Variants in IGSF10 observed in about 807,000 individuals in gnomAD.
IGSF10 encodes the protein calvaria mechanical force protein 608.
Under a neutral mutation model 128.2 loss-of-function variants are expected in IGSF10, and 126 were observed. The ratio of observed to expected loss-of-function variants is 0.98; its 90% CI spans 0.85 to 1.14. The LOEUF (loss-of-function observed/expected upper bound fraction) is 1.14. IGSF10 is among the 50% of genes most tolerant of loss of function. The pLI is 0.00. For synonymous variants in IGSF10, 1,185 were observed against 1,146.2 expected, an observed-to-expected ratio of 1.03 and a Z score of -0.68; for missense variants, 3,295 against 3,149.8, an observed-to-expected ratio of 1.05 and a Z score of -1.10.
intron 2 of IGSF10, among the ~76,000 whole-genome samples, chr3:151,459,606 C>T (rs1721957282): frequency 6.6e-6 from 1 of 152,144 alleles, no homozygotes; most frequent in Non-Finnish European, 1.5e-5. Flanking sequence ...GGTCCCTCCT[C>T]CAGCTCATGG....
At chr3:151,595,245 C>T in the IGSF10 span, among the ~76,000 whole-genome samples, 5 of 151,830 alleles carry the variant, frequency 3.3e-5, no homozygotes, top group African/African-American at 9.7e-5. Context: ...ACCGAATGAC[C>T]CAGTAATCCC....
At position 151,448,070 on chromosome 3, in the gene IGSF10, C is replaced by T. The variant is rs756268032; in HGVS notation, c.1911G>A (p.Pro637=). 3.8e-5 allele frequency: 61 copies of T among 1,614,034 alleles called. No individual in the cohort carries two copies. Among genetic ancestry groups the T allele is most frequent in the Non-Finnish European group, 4.7e-5 (55 of 1,180,050 alleles). The change falls in exon 6 of 8, where the codon CCG becomes CCA. Residue 637 remains proline, a synonymous_variant. Transcript: ENST00000282466. ...CACAGCGATAATAACCTTGGTCTTT[C>T]GGGGTGACCTGTAATATTCTTAATG... ...NGTLRILQVT[P]KDQGYYRCVA...
At position 151,436,611 on chromosome 3, in the gene IGSF10, A is replaced by T. The variant is rs1720253869; in HGVS notation, c.*78T>A. On this transcript the variant is annotated 3_prime_UTR_variant, in exon 8 of 8. Transcript: ENST00000282466. ...TGTAAATGTATTCAAATTCATTTAC[A>T]TGCCTATGGCTGCCTTTGATTAAAC... 1.0e-6 allele frequency: 1 copy of T among 958,068 alleles called. No homozygotes were observed. Among genetic ancestry groups the T allele is most frequent in the Admixed American group, 2.4e-5 (1 of 42,348 alleles). 59.3% of individuals were successfully genotyped at this position (958,068 alleles called of 1,614,324 possible). A position where few individuals can be genotyped will look rare whatever the true frequency, so the allele number is the denominator to read the frequency against.
chr3:151,545,818 C>CAT, the IGSF10 span, among the ~76,000 whole-genome samples: 87,641 of 151,760 alleles, frequency 0.58, 26,264 homozygotes, highest in African/African-American at 0.73. Flanking sequence ...AGAAAATAAA[C>CAT]GTGGTGAATA....
chr3:151,440,587 G>A (rs1324462748), intron 7 of IGSF10: 3 of 456,496 alleles, frequency 6.6e-6, no homozygotes, highest in Admixed American at 2.4e-5. Flanking sequence ...TAGGTCACAG[G>A]GCTGGTTCTC....
the IGSF10 span, among the ~76,000 whole-genome samples, chr3:151,535,204 G>A: frequency 5.3e-4 from 81 of 152,014 alleles, no homozygotes; most frequent in African/African-American, 1.8e-3. Flanking sequence ...CCTAGTAGAG[G>A]TATTATAATG....
At chr3:151,453,043 G>GAAAGGAGGC (rs914748981) in intron 5 of IGSF10, among the ~76,000 whole-genome samples, 8 of 152,160 alleles carry the variant, frequency 5.3e-5, no homozygotes, top group African/African-American at 1.7e-4. Flanking sequence ...GGAGAGGAGG[G>GAAAGGAGGC]AAAGGAGGCT....
the IGSF10 span, among the ~76,000 whole-genome samples, chr3:151,511,575 A>C: frequency 2.0e-5 from 3 of 152,216 alleles, no homozygotes; most frequent in Admixed American, 2.0e-4. Flanking sequence ...CAAAATCACC[A>C]GCTAACATCA....
rs769752837 is a variant in IGSF10, at chr3:151,437,382, A to ATTGC, written c.7175_7178dup (p.Asn2393LysfsTer9). On this transcript the variant is annotated frameshift_variant, in exon 8 of 8. Transcript: ENST00000282466. LOFTEE classifies it low-confidence loss of function (END_TRUNC). ...TTGTTTTAGAAATGATAAAAGAACCATTGCTTGCTATCAGATACTGATAAC... is the reference window on the plus strand; with the variant it reads ...TTGTTTTAGAAATGATAAAAGAACCATTGCTTGCTTGCTATCAGATACTGATAAC... 1 of 1,614,208 alleles carries ATTGC rather than the reference A, an allele frequency of 6.2e-7. No homozygotes were observed.
the IGSF10 span, among the ~76,000 whole-genome samples, chr3:151,600,300 A>G: frequency 2.0e-5 from 3 of 152,280 alleles, no homozygotes; most frequent in East Asian, 5.8e-4. Context: ...GATACACAGT[A>G]AAAAGTGAAT....
chr3:151,479,737 G>A, the IGSF10 span, among the ~76,000 whole-genome samples: 39 of 152,126 alleles, frequency 2.6e-4, no homozygotes, highest in Admixed American at 1.1e-3. Flanking sequence ...ACAATGCAAG[G>A]GAATATGGAA....
Position 151,445,261 on chromosome 3 carries a change from G to T in IGSF10, c.4720C>A (p.Gln1574Lys), listed in dbSNP as rs143235617. The change falls in exon 6 of 8, where the codon CAA (glutamine) becomes AAA (lysine). Residue 1574 changes from glutamine to lysine, a missense_variant. By Grantham distance (53) the Gln-to-Lys change is moderately conservative. Coordinates refer to ENST00000282466, the MANE Select transcript of IGSF10 (RefSeq NM_178822.5). ...TCTGAGTATGGTTTGTGCCAAAATT[G>T]GTTTTCTGCCCAGGGAGATGGAGTT... ...KLTPSPWAEN[Q>K]FWHKPYSEIA... 1.5e-5 allele frequency: 25 copies of T among 1,614,030 alleles called. No individual in the cohort carries two copies. The African/African-American group carries it at 1.6e-4, about 10-fold the overall frequency.
chr3:151,472,913 T>C, the IGSF10 span, among the ~76,000 whole-genome samples: 1 of 151,936 alleles, frequency 6.6e-6, no homozygotes, highest in African/African-American at 2.4e-5. Context: ...CACACTGCAG[T>C]GAAGCTTCAG....
Position 151,449,101 on chromosome 3 carries a change from T to C in IGSF10, c.880A>G (p.Thr294Ala), listed in dbSNP as rs755307642. Residue 294 changes from threonine to alanine, a missense_variant, in exon 6 of 8, where the codon ACT (threonine) becomes GCT (alanine). Coordinates refer to ENST00000282466, the MANE Select transcript of IGSF10 (RefSeq NM_178822.5). ...GCAGAACTACTGTCTTCCAGAATAG[T>C]CAGGCTCTTTGATTTCAGGGATGAG... ...IDSSLKSKSL[T>A]ILEDSSSAFI... is the part of the protein sequence containing the mutation. The C allele has an allele frequency of 5.0e-6, 8 of 1,614,070 alleles. No homozygotes were observed. In the African/African-American group the frequency reaches 9.3e-5, roughly 19 times the overall value.
the IGSF10 span, among the ~76,000 whole-genome samples, chr3:151,580,414 G>A: frequency 6.6e-6 from 1 of 152,204 alleles, no homozygotes; most frequent in Non-Finnish European, 1.5e-5. Flanking sequence ...TGGTAAAAAT[G>A]AAGGTAAATA....
the IGSF10 span, among the ~76,000 whole-genome samples, chr3:151,607,912 GAAAAA>G: frequency 2.4e-5 from 1 of 42,064 alleles, no homozygotes; most frequent in African/African-American, 1.1e-4. Context: ...CTCCATCTCG[GAAAAA>G]AAAAAAAAAA....
At chr3:151,564,238 T>C in the IGSF10 span, among the ~76,000 whole-genome samples, 6 of 152,194 alleles carry the variant, frequency 3.9e-5, no homozygotes, top group Non-Finnish European at 5.9e-5. Flanking sequence ...ATTACATGCA[T>C]ATTTAATTTG....
At chr3:151,532,997 C>T in the IGSF10 span, among the ~76,000 whole-genome samples, 12 of 152,092 alleles carry the variant, frequency 7.9e-5, no homozygotes, top group Non-Finnish European at 1.6e-4. Context: ...GTGCAAAAAT[C>T]ATAAGCATTC....
rs1720367558 is a variant in IGSF10 at position 151,437,129 on chromosome 3, G to A, written c.7432C>T (p.Gln2478Ter). 1 of 1,614,080 alleles carries A rather than the reference G, an allele frequency of 6.2e-7. No individual in the cohort carries two copies. Among genetic ancestry groups the A allele is most frequent in the Non-Finnish European group, 8.5e-7 (1 of 1,180,010 alleles). ...MPSGYVVDRP[Q>*]INGKYILHDN... is the part of the protein sequence containing the mutation. ...TGCAATATGTATTTCCCATTAATTT[G>A]AGGCCTGTCTACTACATAACCACTT... is the stretch of plus-strand genomic sequence containing the variant. Residue 2478 changes from glutamine (Q) to a stop codon, truncating the protein, a stop_gained, in exon 8 of 8, where the codon CAA (glutamine) becomes TAA (stop). Transcript: ENST00000282466. LOFTEE classifies it low-confidence loss of function (END_TRUNC).
Sources: gnomAD v4.1 joint callset for allele counts (sites outside exome capture counted in the v4.1 genomes callset) on GRCh38, gnomAD v4.1.1 for gene constraint, MANE v1.5 for transcripts, NCBI Gene and HGNC (gene_info 2026-07-23, HGNC 2026-07-21) for gene names.